Variants in PYROXD1 observed in about 807,000 individuals in gnomAD.
PYROXD1 encodes the protein pyridine nucleotide-disulphide oxidoreductase domain 1.
In PYROXD1, 42 loss-of-function variants were observed where a neutral mutation model predicts 62.0. The ratio of observed to expected loss-of-function variants is 0.68; its 90% CI spans 0.53 to 0.88. PYROXD1 has a LOEUF of 0.88. Ranked by LOEUF, PYROXD1 falls within the 40% of genes least tolerant of loss-of-function variation. The probability of loss-of-function intolerance (pLI) is 0.00; values close to 1 mark genes in which losing one functional copy is unlikely to be tolerated. For synonymous variants in PYROXD1, 170 were observed against 206.4 expected (o/e 0.82, Z 1.51); for missense variants, 493 against 604.8 (o/e 0.82, Z 1.94).
chr12:21,465,121 T>A (rs933664262), intron 10 of PYROXD1, among the ~76,000 whole-genome samples: 4 of 152,144 alleles, frequency 2.6e-5, no homozygotes, highest in East Asian at 3.9e-4. Context: ...ATAGTGCCGC[T>A]ATAAACATAC....
chr12:21,467,770 T>A (rs1196083665), intron 11 of PYROXD1, 152 bp downstream of exon 11: 3 of 601,370 alleles, frequency 5.0e-6, no homozygotes, highest in Non-Finnish European at 8.7e-6. Flanking sequence ...CAATACCTGG[T>A]ATTATTGCTA....
intron 1 of PYROXD1, 77 bp downstream of exon 1, chr12:21,437,891 C>A: frequency 4.6e-6 from 6 of 1,306,786 alleles, no homozygotes; most frequent in Non-Finnish European, 5.3e-6. Context: ...CCTCCCACCC[C>A]CTCCCTTTTT....
At chr12:21,445,206 C>T (rs1212969710) in intron 2 of PYROXD1, 141 bp from the exon 3 acceptor site, 1 of 824,202 alleles carries the variant, frequency 1.2e-6, no homozygotes, top group Non-Finnish European at 1.7e-6. Context: ...GTCCTCTTTC[C>T]ACTCTATATA....
chr12:21,467,643 C>T, intron 11 of PYROXD1, 25 bp downstream of exon 11: 1 of 1,551,738 alleles, frequency 6.4e-7, no homozygotes, highest in Non-Finnish European at 8.8e-7. Context: ...CATATTAATG[C>T]CTTCTCTGCT....
chr12:21,437,890 C>G, intron 1 of PYROXD1, 76 bp downstream of exon 1: 1 of 1,311,230 alleles, frequency 7.6e-7, no homozygotes, highest in East Asian at 2.5e-5. Context: ...TCCTCCCACC[C>G]CCTCCCTTTT....
At chr12:21,467,962 T>G (rs73067241) in intron 11 of PYROXD1, among the ~76,000 whole-genome samples, 3,034 of 151,960 alleles carry the variant, frequency 0.02, 37 homozygotes, top group Middle Eastern at 0.051. Flanking sequence ...ACCAAGAGCT[T>G]TCCTGTATCT....
intron 3 of PYROXD1, 80 bp from the exon 4 acceptor site, chr12:21,449,483 T>G (rs1942451748): frequency 1.4e-6 from 2 of 1,429,634 alleles, no homozygotes; most frequent in Non-Finnish European, 9.5e-7. Context: ...TTTGCCTTAT[T>G]GAATTTTTAG....
At chr12:21,461,914 T>G in intron 8 of PYROXD1, 94 bp from the exon 9 acceptor site, 3 of 625,490 alleles carry the variant, frequency 4.8e-6, no homozygotes, top group Non-Finnish European at 8.1e-6. Flanking sequence ...TTCTTTTTCT[T>G]TCTTTGTTTC....
intron 7 of PYROXD1, among the ~76,000 whole-genome samples, chr12:21,457,669 T>C (rs892774795): frequency 9.2e-5 from 14 of 152,074 alleles, no homozygotes; most frequent in African/African-American, 3.4e-4. Flanking sequence ...AGGGGAATTA[T>C]GCACTTCTTA....
intron 1 of PYROXD1, chr12:21,438,520 T>C (rs1172709860): frequency 6.6e-6 from 1 of 152,238 alleles, no homozygotes; most frequent in Non-Finnish European, 1.5e-5. Flanking sequence ...TCTTAACTAA[T>C]TAATAAAGAA....
At chr12:21,466,945 A>G (rs1183774707) in intron 10 of PYROXD1, among the ~76,000 whole-genome samples, 6 of 152,176 alleles carry the variant, frequency 3.9e-5, no homozygotes, top group East Asian at 1.9e-4. Context: ...TAAAAATACA[A>G]TAGATGAATT....
intron 7 of PYROXD1, among the ~76,000 whole-genome samples, chr12:21,457,849 G>T (rs1436207274): frequency 2.1e-5 from 1 of 48,638 alleles, no homozygotes; most frequent in African/African-American, 7.8e-5. Flanking sequence ...TCCAACATTG[G>T]GGATTACAAT....
chr12:21,467,746 C>T, intron 11 of PYROXD1, 128 bp downstream of exon 11: 1 of 729,648 alleles, frequency 1.4e-6, no homozygotes, highest in Non-Finnish European at 2.2e-6. Context: ...TGACATTTTT[C>T]ATTTCTTACA....
intron 5 of PYROXD1, among the ~76,000 whole-genome samples, chr12:21,454,041 C>T (rs995003723): frequency 3.3e-5 from 5 of 151,754 alleles, no homozygotes; most frequent in African/African-American, 1.2e-4. Flanking sequence ...CATAGAAGAG[C>T]TGGAAAAACG....
intron 7 of PYROXD1, 119 bp from the exon 8 acceptor site, chr12:21,460,906 A>G: frequency 1.6e-6 from 1 of 627,512 alleles, no homozygotes; most frequent in East Asian, 3.2e-5. Context: ...GGTTTCATTT[A>G]TATTATAAGA....
At chr12:21,441,395 G>T (rs6487224) in intron 2 of PYROXD1, 74,815 of 151,776 alleles carry the variant, frequency 0.49, 18,491 homozygotes, top group Middle Eastern at 0.59. Flanking sequence ...CTTCTATAAC[G>T]CCTATAATTC....
At chr12:21,460,420 A>T (rs572722680) in intron 7 of PYROXD1, among the ~76,000 whole-genome samples, 1,291 of 126,426 alleles carry the variant, frequency 0.01, 14 homozygotes, top group African/African-American at 0.037. Flanking sequence ...TTATTTATTT[A>T]TTTTATTTAT....
In PYROXD1 at chr12:21,469,146, A is replaced by C. The variant is rs1316807483; in HGVS notation, c.*392A>C. 1 of 164,496 alleles carries C rather than the reference A, an allele frequency of 6.1e-6. No individual in the cohort carries two copies. The highest frequency in any genetic ancestry group is 1.3e-5 in the Non-Finnish European group (1 of 75,804). The allele number at this position is 164,496 out of a possible 1,614,324, so 10.2% of individuals were successfully genotyped here. ...ATGGCTATGGTTTCAGGAACTTTAA[A>C]ATCGGTTGTATTTTACTTTAAATAG... On this transcript the variant is annotated 3_prime_UTR_variant, in exon 12 of 12. Coordinates refer to ENST00000240651, the MANE Select transcript of PYROXD1 (RefSeq NM_024854.5).
chr12:21,438,528 G>A (rs1047499814), intron 1 of PYROXD1: 1 of 152,156 alleles, frequency 6.6e-6, no homozygotes, highest in African/African-American at 2.4e-5. Context: ...AATTAATAAA[G>A]AATCCCATAT....
Sources: allele counts gnomAD v4.1 joint callset (sites outside exome capture counted in the v4.1 genomes callset), GRCh38; gene constraint gnomAD v4.1.1; transcripts MANE v1.5; gene names NCBI Gene and HGNC (gene_info 2026-07-23, HGNC 2026-07-21).